Variants in PALM observed in about 807,000 individuals in gnomAD.
The protein encoded by PALM is paralemmin-1.
Under a neutral mutation model 30.7 loss-of-function variants are expected in PALM, and 18 were observed. The ratio of observed to expected loss-of-function variants is 0.59; its 90% CI spans 0.41 to 0.87. The LOEUF is 0.87. Among genes scored for constraint, PALM ranks in the 40% least tolerant of loss-of-function variants. The pLI is 0.00. For missense variants in PALM, 529 were observed against 555.4 expected, an observed-to-expected ratio of 0.95 and a Z score of 0.48; for synonymous variants, 286 against 242.8, an observed-to-expected ratio of 1.18 and a Z score of -1.66.
chr19:716,690 A>G (rs2032271880), intron 1 of PALM, among the ~76,000 whole-genome samples: 1 of 152,182 alleles, frequency 6.6e-6, no homozygotes, highest in East Asian at 1.9e-4. Context: ...GTCTCAGGGC[A>G]GGGCCAGCAG....
chr19:719,554 C>CGGGACCCCCAGCACCTGCCCT (rs1005924704), intron 1 of PALM: 10 of 985,466 alleles, frequency 1.0e-5, no homozygotes, highest in South Asian at 4.7e-5. Context: ...GCACCTGCCC[C>CGGGACCCCCAGCACCTGCCCT]GGGACCCCCA....
At chr19:736,123 A>G in intron 7 of PALM, 45 bp downstream of exon 7, 1 of 926,992 alleles carries the variant, frequency 1.1e-6, no homozygotes, top group Non-Finnish European at 1.6e-6. Context: ...AGCCGCTGTC[A>G]GGGACCAAGT....
chr19:740,239 C>T (rs1290746285), intron 7 of PALM, 113 bp from the exon 8 acceptor site: 18 of 1,069,502 alleles, frequency 1.7e-5, no homozygotes, highest in African/African-American at 3.2e-5. Context: ...CCGCCTGCCC[C>T]ATCGCTGCTT....
In PALM at chr19:746,084, C is replaced by T. The variant is rs182847967; in HGVS notation, c.635-201C>T. The stretch of plus-strand genomic sequence containing the variant: ...AAAAAAATTTTTTTTCCTCATTGTA[C>T]GGCATTGGCTGCATCCACAGATGCC... On this transcript the variant is annotated intron_variant, in intron 8 of 8. Transcript: ENST00000338448. The surrounding 1 kb of genome is among the most constrained non-coding windows in gnomAD (Gnocchi z 7.1). Among the ~76,000 whole-genome samples, 79 of 152,306 alleles carry T rather than the reference C, an allele frequency of 5.2e-4. No homozygotes were observed. Among genetic ancestry groups the T allele is most frequent in the African/African-American group, 1.6e-3 (67 of 41,574 alleles).
intron 3 of PALM, 52 bp from the exon 4 acceptor site, chr19:727,512 A>C: frequency 6.9e-7 from 1 of 1,453,944 alleles, no homozygotes; most frequent in South Asian, 1.2e-5. Flanking sequence ...CTTAAGTCTT[A>C]ACCCTGGCCC....
Position 746,686 on chromosome 19 carries a change from A to G in PALM, c.1036A>G (p.Ser346Gly), listed in dbSNP as rs1480184289. ...EPKEPAPPNGSAAEPPTEAAS... is the reference protein window; with the variant it reads ...EPKEPAPPNGGAAEPPTEAAS... ...CAAGGAGCCTGCACCACCCAACGGCAGTGCTGCCGAGCCTCCCACGGAGGC... is the reference window on the plus strand; with the variant it reads ...CAAGGAGCCTGCACCACCCAACGGCGGTGCTGCCGAGCCTCCCACGGAGGC... Residue 346 changes from serine (S) to glycine (G), a missense_variant, in exon 9 of 9, where the codon AGT becomes GGT. Transcript: ENST00000338448. The surrounding 1 kb of genome is among the most constrained non-coding windows in gnomAD (Gnocchi z 7.1). The G allele has an allele frequency of 1.2e-6, 2 of 1,610,090 alleles. No individual in the cohort carries two copies. Among genetic ancestry groups the G allele is most frequent in the South Asian group, 1.1e-5 (1 of 90,776 alleles).
chr19:734,405 T>C (rs1338871420), intron 6 of PALM: 1 of 570,300 alleles, frequency 1.8e-6, no homozygotes. Context: ...ACTGAAAAAA[T>C]GCAAAGACAA....
In PALM at chr19:746,972, A is replaced by C; in HGVS notation, c.*158A>C. 1.6e-6 allele frequency: 1 copy of C among 615,768 alleles called. No homozygotes were observed. Among genetic ancestry groups the C allele is most frequent in the Admixed American group, 3.0e-5 (1 of 33,640 alleles). The allele number at this position is 615,768 out of a possible 1,614,324, so 38.1% of individuals were successfully genotyped here. ...GAGTTTTCTTTCGCTGGAAAGAGGGACAGGGGCCCCCACCCGTCACCACGC... is the reference window on the plus strand; with the variant it reads ...GAGTTTTCTTTCGCTGGAAAGAGGGCCAGGGGCCCCCACCCGTCACCACGC... On this transcript the variant is annotated 3_prime_UTR_variant, in exon 9 of 9. Transcript: ENST00000338448. This position sits in a 1 kb window ranked among gnomAD's most constrained non-coding sequence, Gnocchi z 7.1.
At chr19:732,323 A>C (rs975180133) in intron 5 of PALM, among the ~76,000 whole-genome samples, 1 of 152,192 alleles carries the variant, frequency 6.6e-6, no homozygotes, top group Non-Finnish European at 1.5e-5. Context: ...AGGCTGGCTC[A>C]AGGCCACACA....
intron 2 of PALM, 24 bp from the exon 3 acceptor site, chr19:726,984 G>GGGCCC: frequency 8.5e-7 from 1 of 1,183,054 alleles, no homozygotes. Flanking sequence ...GCCCATCCCT[G>GGGCCC]ACCCCACCCG....
intron 1 of PALM, among the ~76,000 whole-genome samples, chr19:715,687 C>G (rs2032232704): frequency 6.6e-6 from 1 of 152,058 alleles, no homozygotes; most frequent in South Asian, 2.1e-4. Context: ...AGTGGCTGAC[C>G]TGGTCATCAA....
At chr19:711,113 G>A (rs1451609944) in intron 1 of PALM, 1 of 739,264 alleles carries the variant, frequency 1.4e-6, no homozygotes, top group Non-Finnish European at 1.7e-6. Flanking sequence ...AATTTTAAAT[G>A]TCATTCAAGA....
chr19:713,283 C>G (rs564681003), intron 1 of PALM, among the ~76,000 whole-genome samples: 2 of 152,150 alleles, frequency 1.3e-5, no homozygotes, highest in South Asian at 4.2e-4. Flanking sequence ...CCTGGGGCAT[C>G]TGCCCTGCCT....
chr19:731,335 TGAGGG>T, intron 5 of PALM, 90 bp downstream of exon 5: 1 of 1,217,756 alleles, frequency 8.2e-7, no homozygotes, highest in Non-Finnish European at 1.1e-6. Flanking sequence ...TCAGCGTAGC[TGAGGG>T]GACAGGCACA....
At chr19:743,925 C>T (rs1023508625) in intron 8 of PALM, among the ~76,000 whole-genome samples, 3 of 151,898 alleles carry the variant, frequency 2.0e-5, no homozygotes, top group Non-Finnish European at 4.4e-5. Context: ...AAACACAGAA[C>T]ATTGTCAGAA....
intron 1 of PALM, among the ~76,000 whole-genome samples, chr19:719,991 C>T (rs1488527830): frequency 3.3e-5 from 5 of 152,148 alleles, no homozygotes; most frequent in Non-Finnish European, 7.4e-5. Flanking sequence ...TACCCGGCGT[C>T]GGGGGCGGGT....
chr19:711,967 C>T (rs954330572), intron 1 of PALM, among the ~76,000 whole-genome samples: 1 of 151,962 alleles, frequency 6.6e-6, no homozygotes, highest in Non-Finnish European at 1.5e-5. Flanking sequence ...AAGTGGGTAC[C>T]TGCCTTTTCC....
In PALM at chr19:746,222, A is replaced by G; in HGVS notation, c.635-63A>G. 2 of 1,357,676 alleles carry G rather than the reference A, an allele frequency of 1.5e-6. No individual in the cohort carries two copies. The highest frequency in any genetic ancestry group is 2.1e-6 in the Non-Finnish European group (2 of 965,312). The allele number at this position is 1,357,676 out of a possible 1,614,324, so 84.1% of individuals were successfully genotyped here. ...CCAAGGTTTCCCTCCTGCCTGAGCCAGGTCACTCTCTCTGTCCCTCCTGCC... is the reference window on the plus strand; with the variant it reads ...CCAAGGTTTCCCTCCTGCCTGAGCCGGGTCACTCTCTCTGTCCCTCCTGCC... On this transcript the variant is annotated intron_variant, in intron 8 of 8. Coordinates refer to ENST00000338448, the MANE Select transcript of PALM (RefSeq NM_002579.3). The surrounding 1 kb of genome is among the most constrained non-coding windows in gnomAD (Gnocchi z 7.1).
chr19:739,520 AAGAT>A (rs2033124591), intron 7 of PALM, among the ~76,000 whole-genome samples: 1 of 151,926 alleles, frequency 6.6e-6, no homozygotes, highest in South Asian at 2.1e-4. Context: ...ATTTCCAAAA[AAGAT>A]AAATAAATTA....
Sources: allele counts gnomAD v4.1 joint callset (sites outside exome capture counted in the v4.1 genomes callset), GRCh38; gene constraint gnomAD v4.1.1; non-coding constraint Gnocchi (gnomAD v3.1); transcripts MANE v1.5; gene names NCBI Gene and HGNC (gene_info 2026-07-23, HGNC 2026-07-21).